Variants in CAST observed in about 807,000 individuals in gnomAD.
CAST encodes the protein calpastatin, also known as MIR583 host.
In CAST, 76 loss-of-function variants were observed where a neutral mutation model predicts 119.6. That is an observed-to-expected ratio of 0.64 (90% CI 0.53 to 0.77). CAST has a LOEUF of 0.77. CAST is among the 30% of genes least tolerant of loss of function. The probability of loss-of-function intolerance (pLI) is 0.00; values close to 1 mark genes in which losing one functional copy is unlikely to be tolerated. For synonymous variants in CAST, 319 were observed against 331.6 expected (o/e 0.96, Z 0.41); for missense variants, 953 against 946.5 (o/e 1.01, Z -0.09).
At chr5:95,989,921 A>G in the CAST span, among the ~76,000 whole-genome samples, 1 of 152,156 alleles carries the variant, frequency 6.6e-6, no homozygotes, top group African/African-American at 2.4e-5. Context: ...TAACTCTAAC[A>G]AGGAAACAGT....
At chr5:95,978,797 A>T in the CAST span, among the ~76,000 whole-genome samples, 291 of 152,166 alleles carry the variant, frequency 1.9e-3, no homozygotes, top group African/African-American at 6.4e-3. Flanking sequence ...AATATTTTTT[A>T]AAAAAAACCT....
chr5:96,284,542 G>A, the CAST span, among the ~76,000 whole-genome samples: 1 of 152,186 alleles, frequency 6.6e-6, no homozygotes, highest in Admixed American at 6.5e-5. Context: ...TTCCATCGGG[G>A]TAGTGTGTTG....
chr5:96,458,426 T>C, the CAST span, among the ~76,000 whole-genome samples: 1 of 152,160 alleles, frequency 6.6e-6, no homozygotes, highest in Non-Finnish European at 1.5e-5. Context: ...ATTTCATGAA[T>C]CCGTAAAATT....
chr5:96,510,529 C>A, the CAST span, among the ~76,000 whole-genome samples: 5 of 152,180 alleles, frequency 3.3e-5, no homozygotes, highest in African/African-American at 1.2e-4. Flanking sequence ...AGTTCCTACT[C>A]TTGATGATAC....
At chr5:96,047,034 A>G in the CAST span, among the ~76,000 whole-genome samples, 1 of 152,206 alleles carries the variant, frequency 6.6e-6, no homozygotes, top group Non-Finnish European at 1.5e-5. Context: ...GGACACAGCC[A>G]AACCATATCA....
intron 1 of CAST, among the ~76,000 whole-genome samples, chr5:96,589,308 GC>G (rs1457845721): frequency 1.3e-5 from 2 of 152,036 alleles, no homozygotes; most frequent in East Asian, 3.9e-4. Context: ...ATGTATTCTG[GC>G]AAAAATTTCC....
At chr5:96,475,821 G>C in the CAST span, among the ~76,000 whole-genome samples, 1 of 152,170 alleles carries the variant, frequency 6.6e-6, no homozygotes, top group African/African-American at 2.4e-5. Flanking sequence ...AGAGTAGGTG[G>C]CAGCTCACCT....
chr5:96,572,535 T>C (rs1266468242), intron 1 of CAST, among the ~76,000 whole-genome samples: 4 of 151,094 alleles, frequency 2.6e-5, no homozygotes. Flanking sequence ...CTTCACTTTG[T>C]GCAAAAGCTA....
the CAST span, among the ~76,000 whole-genome samples, chr5:96,043,049 A>C: frequency 6.6e-6 from 1 of 152,204 alleles, no homozygotes; most frequent in East Asian, 1.9e-4. Flanking sequence ...AATGAAAAAA[A>C]GTCTTAAAAT....
chr5:96,495,371 T>C, the CAST span, among the ~76,000 whole-genome samples: 1 of 152,140 alleles, frequency 6.6e-6, no homozygotes, highest in African/African-American at 2.4e-5. Context: ...ATCTAGGTTT[T>C]AAGCCCCGCA....
the CAST span, among the ~76,000 whole-genome samples, chr5:96,465,238 T>C: frequency 5.3e-5 from 8 of 152,168 alleles, no homozygotes; most frequent in African/African-American, 1.7e-4. Context: ...TTGAATTTTG[T>C]ATTTTTGTAT....
At chr5:96,378,446 A>C in the CAST span, among the ~76,000 whole-genome samples, 1 of 152,156 alleles carries the variant, frequency 6.6e-6, no homozygotes, top group Non-Finnish European at 1.5e-5. Flanking sequence ...CAAAACATCA[A>C]GTTGTACACT....
chr5:96,388,580 T>C, the CAST span, among the ~76,000 whole-genome samples: 1 of 152,194 alleles, frequency 6.6e-6, no homozygotes. Flanking sequence ...CAAGAAAGTA[T>C]ACTCTGTCCA....
the CAST span, among the ~76,000 whole-genome samples, chr5:95,988,932 T>C: frequency 1.3e-5 from 2 of 152,218 alleles, no homozygotes; most frequent in Admixed American, 1.3e-4. Flanking sequence ...ATAGGAATTT[T>C]GAAGCTATTT....
At chr5:95,970,163 C>T in the CAST span, 3 of 152,216 alleles carry the variant, frequency 2.0e-5, no homozygotes, top group African/African-American at 7.2e-5. Flanking sequence ...TTAATAACCA[C>T]TCCTTAGGCG....
At chr5:96,432,973 T>C in the CAST span, 1 of 1,614,224 alleles carries the variant, frequency 6.2e-7, no homozygotes, top group Non-Finnish European at 8.5e-7. Flanking sequence ...GCTTTTGCAC[T>C]GTTCAGTGCA....
At chr5:96,491,285 AC>A in the CAST span, among the ~76,000 whole-genome samples, 1 of 151,186 alleles carries the variant, frequency 6.6e-6, no homozygotes, top group Non-Finnish European at 1.5e-5. Flanking sequence ...GGAGATCGAG[AC>A]CATCCTGGCT....
chr5:96,130,466 A>G, the CAST span, among the ~76,000 whole-genome samples: 1 of 150,986 alleles, frequency 6.6e-6, no homozygotes, highest in Non-Finnish European at 1.5e-5. Context: ...AAAAAACCTA[A>G]GGATATTATC....
chr5:96,340,863 G>A, the CAST span, among the ~76,000 whole-genome samples: 1 of 152,166 alleles, frequency 6.6e-6, no homozygotes, highest in African/African-American at 2.4e-5. Context: ...CATTACAGCT[G>A]TAAGTCTATA....
Sources: gnomAD v4.1 joint callset for allele counts (sites outside exome capture counted in the v4.1 genomes callset) on GRCh38, gnomAD v4.1.1 for gene constraint, MANE v1.5 for transcripts, NCBI Gene and HGNC (gene_info 2026-07-23, HGNC 2026-07-21) for gene names.